The following ANKRD11 variants were observed in gnomAD, a reference collection of about 807,000 sequenced individuals.
ANKRD11 encodes the protein ankyrin repeat domain-containing protein 11.
Under a neutral mutation model 195.7 loss-of-function variants are expected in ANKRD11, and 17 were observed. The observed-to-expected ratio is 0.09, with a 90% CI of 0.06 to 0.13. ANKRD11 has a LOEUF of 0.13. Ranked by LOEUF, ANKRD11 falls within the 10% of genes least tolerant of loss-of-function variation. ANKRD11 has a pLI of 1.00. For synonymous variants in ANKRD11, 1,953 were observed against 1,528.1 expected, an observed-to-expected ratio of 1.28 and a Z score of -6.49; for missense variants, 3,735 against 3,566.1, an observed-to-expected ratio of 1.05 and a Z score of -1.21.
At chr16:89,274,981 G>A in intron 10 of ANKRD11, 24 bp from the exon 11 acceptor site, 3 of 1,612,878 alleles carry the variant, frequency 1.9e-6, no homozygotes, top group Non-Finnish European at 2.5e-6. Context: ...GGAGTAGAGT[G>A]AGCTGGGACA....
chr16:89,413,606 C>T (rs2042181889), intron 2 of ANKRD11, among the ~76,000 whole-genome samples: 1 of 152,146 alleles, frequency 6.6e-6, no homozygotes, highest in Non-Finnish European at 1.5e-5. Flanking sequence ...GCCTGGGCGA[C>T]AGCCAGACTG....
At position 89,285,149 on chromosome 16, in the gene ANKRD11, TGCC is replaced by T; in HGVS notation, c.1390_1392del (p.Gly464del). Reference sequence around the variant, plus strand: ...CTCCGCTTTCCGAAGCGAACCTCTCTGCCTTTTGTTTCTTTCTTTCGCTTCTTT... The same window carrying T: ...CTCCGCTTTCCGAAGCGAACCTCTCTTTTTGTTTCTTTCTTTCGCTTCTTT... On this transcript the variant is annotated inframe_deletion, in exon 9 of 13. Coordinates refer to ENST00000301030, the MANE Select transcript of ANKRD11 (RefSeq NM_013275.6). The surrounding 1 kb of genome is among the most constrained non-coding windows in gnomAD (Gnocchi z 5.6). 6.2e-7 allele frequency: 1 copy of T among 1,613,550 alleles called. No homozygotes were observed. Among genetic ancestry groups the T allele is most frequent in the Non-Finnish European group, 8.5e-7 (1 of 1,180,028 alleles).
Position 89,274,331 on chromosome 16 carries a change from G to A in ANKRD11, c.7713+483C>T, listed in dbSNP as rs181178832. Among the ~76,000 whole-genome samples, 450 of 152,304 alleles carry A rather than the reference G, an allele frequency of 3.0e-3. 2 individuals are homozygous for A. The highest frequency in any genetic ancestry group is 0.01 in the African/African-American group (432 of 41,570). On this transcript the variant is annotated intron_variant, in intron 11 of 12. Coordinates refer to ENST00000301030, the MANE Select transcript of ANKRD11 (RefSeq NM_013275.6). ...CCGGCCCGCCCTGGCCCAGATGAGC[G>A]GCACACCTGGGTGCCCGTGTTCCCT...
At chr16:89,341,901 CCCACAGCGGCCACGGCCCACGGCGGGAG>C (rs2038687471) in intron 2 of ANKRD11, among the ~76,000 whole-genome samples, 7 of 133,122 alleles carry the variant, frequency 5.3e-5, no homozygotes, top group African/African-American at 2.5e-4. Flanking sequence ...TGCACCTCCA[CCCACAGCGGCCACGGCCCACGGCGGGAG>C]TGCTGCACCT....
At chr16:89,353,662 T>A (rs2039326072) in intron 2 of ANKRD11, among the ~76,000 whole-genome samples, 1 of 152,142 alleles carries the variant, frequency 6.6e-6, no homozygotes, top group African/African-American at 2.4e-5. Flanking sequence ...GTATTTTTAG[T>A]AGAGACAGGG....
chr16:89,322,289 A>G (rs1466043050), intron 2 of ANKRD11, among the ~76,000 whole-genome samples: 2 of 152,246 alleles, frequency 1.3e-5, no homozygotes, highest in African/African-American at 4.8e-5. Context: ...CCAGAGAGAA[A>G]GAGAACACTT....
intron 2 of ANKRD11, among the ~76,000 whole-genome samples, chr16:89,326,410 C>G (rs770663412): frequency 1.3e-5 from 2 of 151,900 alleles, no homozygotes; most frequent in Non-Finnish European, 2.9e-5. Context: ...AGGTGCACAC[C>G]ACTCAGCAAC....
intron 1 of ANKRD11, among the ~76,000 whole-genome samples, chr16:89,430,068 A>G (rs368286507): frequency 3.7e-4 from 43 of 115,870 alleles, no homozygotes; most frequent in Middle Eastern, 5.7e-3. Flanking sequence ...CTCAACTCTC[A>G]CGCTCAGACG....
chr16:89,444,580 TC>T (rs921929062), intron 1 of ANKRD11, among the ~76,000 whole-genome samples: 1 of 152,130 alleles, frequency 6.6e-6, no homozygotes, highest in Admixed American at 6.6e-5. Context: ...GCCCACTGTT[TC>T]TTCTCCAAAA....
chr16:89,460,268 AT>A (rs1222700294), intron 1 of ANKRD11, among the ~76,000 whole-genome samples: 7 of 152,124 alleles, frequency 4.6e-5, no homozygotes. Context: ...ACATTAAAAA[AT>A]AAAATTAAAA....
intron 7 of ANKRD11, chr16:89,288,072 G>A: frequency 1.8e-6 from 1 of 568,616 alleles, no homozygotes; most frequent in South Asian, 2.4e-5. Context: ...CTGCTCCTGG[G>A]CCGGCCACAA....
intron 2 of ANKRD11, among the ~76,000 whole-genome samples, chr16:89,406,905 G>C (rs563118004): frequency 1.3e-5 from 2 of 152,202 alleles, no homozygotes; most frequent in African/African-American, 4.8e-5. Flanking sequence ...CAGGCCGGAC[G>C]TGGTGGCTCA....
At chr16:89,357,747 T>C (rs1367380057) in intron 2 of ANKRD11, among the ~76,000 whole-genome samples, 3 of 152,162 alleles carry the variant, frequency 2.0e-5, no homozygotes. Flanking sequence ...AAACAGCAGC[T>C]GCACAAGAGG....
intron 1 of ANKRD11, among the ~76,000 whole-genome samples, chr16:89,468,643 G>A (rs1399997262): frequency 1.3e-5 from 2 of 152,112 alleles, no homozygotes. Flanking sequence ...GGAGGCAGAG[G>A]TTGCAGTGAG....
chr16:89,383,131 G>A (rs1343668652), intron 2 of ANKRD11, among the ~76,000 whole-genome samples: 3 of 152,196 alleles, frequency 2.0e-5, no homozygotes, highest in South Asian at 2.1e-4. Context: ...TGGCTCATGC[G>A]GACCCACAGC....
At chr16:89,359,029 TTA>T (rs1491350432) in intron 2 of ANKRD11, among the ~76,000 whole-genome samples, 2 of 152,262 alleles carry the variant, frequency 1.3e-5, no homozygotes, top group South Asian at 2.1e-4. Flanking sequence ...TATACATTTC[TTA>T]TATATGTCTA....
chr16:89,428,470 G>C (rs1183132185), intron 1 of ANKRD11, among the ~76,000 whole-genome samples: 2 of 149,220 alleles, frequency 1.3e-5, no homozygotes, highest in African/African-American at 5.0e-5. Flanking sequence ...AGCTTGCAGT[G>C]AGCCGAGACT....
intron 6 of ANKRD11, 58 bp from the exon 7 acceptor site, chr16:89,288,728 C>G (rs1207376251): frequency 1.2e-6 from 2 of 1,612,488 alleles, no homozygotes; most frequent in Admixed American, 1.7e-5. Flanking sequence ...CCTCCTGTCT[C>G]TGGAGGCAGC....
intron 1 of ANKRD11, among the ~76,000 whole-genome samples, chr16:89,419,625 A>G (rs2042432533): frequency 6.6e-6 from 1 of 152,198 alleles, no homozygotes; most frequent in African/African-American, 2.4e-5. Context: ...TTCCGTGTGC[A>G]GAACCAGGGA....
Sources: gnomAD v4.1 joint callset for allele counts (sites outside exome capture counted in the v4.1 genomes callset) on GRCh38, gnomAD v4.1.1 for gene constraint, Gnocchi (gnomAD v3.1) non-coding constraint, MANE v1.5 for transcripts, NCBI Gene and HGNC (gene_info 2026-07-23, HGNC 2026-07-21) for gene names.